Variants in ADRA1A observed in about 807,000 individuals in gnomAD.
The protein encoded by ADRA1A is adrenoceptor alpha 1A.
In ADRA1A, 31 loss-of-function variants were observed where a neutral mutation model predicts 29.6. That is an observed-to-expected ratio of 1.05 (90% confidence interval 0.79 to 1.41). The LOEUF is 1.41. ADRA1A is among the 40% of genes most tolerant of loss of function. The pLI is 0.00. For missense variants in ADRA1A, 619 were observed against 601.1 expected, an observed-to-expected ratio of 1.03 and a Z score of -0.31; for synonymous variants, 311 against 254.3, an observed-to-expected ratio of 1.22 and a Z score of -2.12.
In ADRA1A at chr8:26,848,499, G is replaced by A. The variant is rs551085285; in HGVS notation, c.883+15588C>T. ...GAATGCAGGGAGAAGGCAACCATCT[G>A]TGACCTAGCAGGAGAACCCTCACCA... On this transcript the variant is annotated intron_variant, in intron 2 of 2. Coordinates refer to ENST00000380573, the MANE Select transcript of ADRA1A (RefSeq NM_000680.4). The surrounding 1 kb of genome is among the most constrained non-coding windows in gnomAD (Gnocchi z 4.3). Among the ~76,000 whole-genome samples the A allele has an allele frequency of 1.3e-5, 2 of 152,294 alleles. No individual in the cohort carries two copies. The highest frequency in any genetic ancestry group is 3.9e-4 in the East Asian group (2 of 5,168).
intron 2 of ADRA1A, among the ~76,000 whole-genome samples, chr8:26,773,976 G>C (rs577746684): frequency 1.3e-5 from 2 of 152,196 alleles, no homozygotes; most frequent in Non-Finnish European, 2.9e-5. Flanking sequence ...GAGAAAGAGA[G>C]TTGATTAAAA....
chr8:26,815,832 A>G lies in ADRA1A; in HGVS notation c.884-45166T>C, dbSNP rs187955405. Among the ~76,000 whole-genome samples the G allele has an allele frequency of 6.6e-6, 1 of 152,322 alleles. No individual in the cohort carries two copies. The highest frequency in any genetic ancestry group is 1.9e-4 in the East Asian group (1 of 5,170). On this transcript the variant is annotated intron_variant, in intron 2 of 2. Transcript: ENST00000380573. The surrounding 1 kb of genome is among the most constrained non-coding windows in gnomAD (Gnocchi z 4.2). ...AGCTGTCTGTGTTCCCTATAAAACA[A>G]AGGGTAAGGCAGTGAGTGATTAAGT...
intron 2 of ADRA1A, among the ~76,000 whole-genome samples, chr8:26,832,319 G>C (rs1157843777): frequency 6.6e-6 from 1 of 152,116 alleles, no homozygotes; most frequent in African/African-American, 2.4e-5. Context: ...CTTTAAACCA[G>C]AAATCCCCCT....
chr8:26,864,979 C>G lies in ADRA1A; in HGVS notation c.-10G>C, dbSNP rs201107026. The G allele has an allele frequency of 6.3e-7, 1 of 1,582,694 alleles. No homozygotes were observed. Among genetic ancestry groups the G allele is most frequent in the South Asian group, 1.2e-5 (1 of 86,848 alleles). On this transcript the variant is annotated 5_prime_UTR_variant, in exon 2 of 3. Transcript: ENST00000380573. The surrounding 1 kb of genome is among the most constrained non-coding windows in gnomAD (Gnocchi z 8.1). ...CCGAGAGAAACACCATGGTCCCAGCCGGGGCCGGGCGAGGTCCGGCTGTCC... is the reference window on the plus strand; with the variant it reads ...CCGAGAGAAACACCATGGTCCCAGCGGGGGCCGGGCGAGGTCCGGCTGTCC...
chr8:26,789,724 A>T (rs561313973), intron 2 of ADRA1A, among the ~76,000 whole-genome samples: 14 of 152,172 alleles, frequency 9.2e-5, no homozygotes, highest in Non-Finnish European at 1.9e-4. Context: ...ATCTGACAAC[A>T]GATTAATATC....
At chr8:26,752,055 A>G (rs1448749180), downstream of ADRA1A, among the ~76,000 whole-genome samples, 1 of 152,102 alleles carries the variant, frequency 6.6e-6, no homozygotes, top group Non-Finnish European at 1.5e-5. Context: ...ACAAAATGCC[A>G]CACATCATGT....
Position 26,796,933 on chromosome 8 carries a change from G to C in ADRA1A, c.884-26267C>G, listed in dbSNP as rs532907671. Reference sequence around the variant, plus strand: ...TTTTTATAGAGATGAGACTGGAATTGAGAGTGAAATGAAGGGAGTCGTATT... The same window carrying C: ...TTTTTATAGAGATGAGACTGGAATTCAGAGTGAAATGAAGGGAGTCGTATT... On this transcript the variant is annotated intron_variant, in intron 2 of 2. Transcript: ENST00000380573. This position sits in a 1 kb window ranked among gnomAD's most constrained non-coding sequence, Gnocchi z 5.0. 6.6e-6 allele frequency among the ~76,000 whole-genome samples: 1 copy of C among 152,258 alleles called. No homozygotes were observed. The highest frequency in any genetic ancestry group is 2.1e-4 in the South Asian group (1 of 4,822).
intron 2 of ADRA1A, among the ~76,000 whole-genome samples, chr8:26,852,250 G>A (rs767758476): frequency 5.9e-5 from 9 of 152,156 alleles, no homozygotes; most frequent in Admixed American, 1.3e-4. Context: ...TAAACTTTGC[G>A]TAGAAGCAAA....
intron 2 of ADRA1A, among the ~76,000 whole-genome samples, chr8:26,836,454 C>T (rs1350233143): frequency 6.6e-6 from 1 of 152,186 alleles, no homozygotes; most frequent in Non-Finnish European, 1.5e-5. Context: ...GTTATCTACA[C>T]CGTGAAGAGA....
chr8:26,785,525 C>T (rs974842092), intron 2 of ADRA1A, among the ~76,000 whole-genome samples: 1 of 149,076 alleles, frequency 6.7e-6, no homozygotes, highest in South Asian at 2.2e-4. Context: ...GTTTAGAAAT[C>T]TTTCTTTTAA....
At chr8:26,820,563 T>C (rs1294999934) in intron 2 of ADRA1A, among the ~76,000 whole-genome samples, 1 of 152,174 alleles carries the variant, frequency 6.6e-6, no homozygotes, top group Non-Finnish European at 1.5e-5. Context: ...GTGTAGACTT[T>C]TCACCACCTT....
At chr8:26,797,373 G>A (rs1033388075) in intron 2 of ADRA1A, among the ~76,000 whole-genome samples, 6 of 151,876 alleles carry the variant, frequency 4.0e-5, no homozygotes, top group Non-Finnish European at 2.9e-5. Flanking sequence ...CACAGTTCAC[G>A]GTAGCCTTCA....
chr8:26,867,115 C>G lies in ADRA1A; in HGVS notation c.-866G>C. 1 of 985,450 alleles carries G rather than the reference C, an allele frequency of 1.0e-6. No individual in the cohort carries two copies. The highest frequency in any genetic ancestry group is 1.2e-6 in the Non-Finnish European group (1 of 829,932). 61.0% of individuals were successfully genotyped at this position (985,450 alleles called of 1,614,324 possible). A position where few individuals can be genotyped will look rare whatever the true frequency, so the allele number is the denominator to read the frequency against. ...CCTCCACCACTGATGTCTTTAAGCT[C>G]CTGAACCGCTGTCACTTTACCTGCA... is the stretch of plus-strand genomic sequence containing the variant. On this transcript the variant is annotated 5_prime_UTR_variant, in exon 1 of 3. Coordinates refer to ENST00000380573, the MANE Select transcript of ADRA1A (RefSeq NM_000680.4).
chr8:26,812,746 G>C (rs984100483), intron 2 of ADRA1A, among the ~76,000 whole-genome samples: 49 of 151,684 alleles, frequency 3.2e-4, no homozygotes, highest in Non-Finnish European at 5.0e-4. Flanking sequence ...CTCACTGCAA[G>C]CTCCGCCTCC....
intron 2 of ADRA1A, among the ~76,000 whole-genome samples, chr8:26,837,815 A>G (rs994646440): frequency 2.6e-5 from 4 of 152,228 alleles, no homozygotes; most frequent in Admixed American, 6.5e-5. Flanking sequence ...ACATGTTTGG[A>G]GAAGGCTCAA....
downstream of ADRA1A, chr8:26,768,780 G>T: frequency 2.0e-6 from 1 of 498,604 alleles, no homozygotes; most frequent in Non-Finnish European, 2.6e-6. Context: ...TCTGGTTCCA[G>T]GCATTTCAGA....
downstream of ADRA1A, among the ~76,000 whole-genome samples, chr8:26,752,186 G>A (rs1181738031): frequency 6.6e-6 from 1 of 152,086 alleles, no homozygotes; most frequent in Admixed American, 6.5e-5. Flanking sequence ...ATGTTTTCAG[G>A]CCAAAGTATT....
rs556838144 is a variant in ADRA1A at position 26,838,126 on chromosome 8, G to A, written c.883+25961C>T. Among the ~76,000 whole-genome samples, 5 of 152,144 alleles carry A rather than the reference G, an allele frequency of 3.3e-5. No individual in the cohort carries two copies. The South Asian group carries it at 6.2e-4, about 19-fold the overall frequency. On this transcript the variant is annotated intron_variant, in intron 2 of 2. Transcript: ENST00000380573. ...AGGACAGGCGTTTAATGATACAGAT[G>A]TTCTACAACATGTTTTCTTTTTTTC...
chr8:26,864,205 C>T lies in ADRA1A; in HGVS notation c.765G>A (p.Thr255=), dbSNP rs1461643989. Residue 255 remains threonine, a synonymous_variant, in exon 2 of 3, where the codon ACG becomes ACA. Transcript: ENST00000380573. This position sits in a 1 kb window ranked among gnomAD's most constrained non-coding sequence, Gnocchi z 8.1. Reference sequence around the variant, plus strand: ...ACTTGAGGAGCCTCACTGAGAAGTGCGTCTTGGTCTTGGCGCTGGCCATCC... The same window carrying T: ...ACTTGAGGAGCCTCACTGAGAAGTGTGTCTTGGTCTTGGCGCTGGCCATCC... ...GSGMASAKTK[T]HFSVRLLKFS... is the part of the protein sequence containing the mutation. The T allele has an allele frequency of 1.2e-6, 2 of 1,614,072 alleles. No homozygotes were observed. Among genetic ancestry groups the T allele is most frequent in the Non-Finnish European group, 1.7e-6 (2 of 1,180,052 alleles).
Sources: allele counts gnomAD v4.1 joint callset (sites outside exome capture counted in the v4.1 genomes callset), GRCh38; gene constraint gnomAD v4.1.1; non-coding constraint Gnocchi (gnomAD v3.1); transcripts MANE v1.5; gene names NCBI Gene and HGNC (gene_info 2026-07-23, HGNC 2026-07-21).